DMD: variants seen among roughly 807,000 people sequenced by gnomAD.
DMD encodes mutant dystrophin.
DMD carries 63 observed loss-of-function variants against 330.1 expected under a neutral mutation model. That is an observed-to-expected ratio of 0.19 (90% CI 0.16 to 0.24). The LOEUF (loss-of-function observed/expected upper bound fraction) is 0.24. Among genes scored for constraint, DMD ranks in the 10% least tolerant of loss-of-function variants. DMD has a pLI of 1.00. For missense variants in DMD, 3,344 were observed against 2,684.1 expected, an observed-to-expected ratio of 1.25 and a Z score of -5.43; for synonymous variants, 1,223 against 959.8, an observed-to-expected ratio of 1.27 and a Z score of -5.07.
At chrX:31,835,636 G>A (rs1027776630) in intron 49 of DMD, among the ~76,000 whole-genome samples, 1 of 111,392 alleles carries the variant, frequency 9.0e-6, no homozygotes, top group African/African-American at 3.3e-5. Flanking sequence ...TTAAGCTCAG[G>A]TGCAAACTTC....
chrX:33,247,427 ACT>A (rs1279822331), intron 1 of DMD, among the ~76,000 whole-genome samples: 1 of 111,869 alleles, frequency 8.9e-6, no homozygotes. Flanking sequence ...AATATAAAAT[ACT>A]CTGTTAGTAC....
chrX:33,078,249 G>A (rs1393599743), intron 1 of DMD, among the ~76,000 whole-genome samples: 1 of 111,589 alleles, frequency 9.0e-6, no homozygotes, highest in African/African-American at 3.3e-5. Flanking sequence ...ATTCCCCAAC[G>A]GGCTTTAAAT....
chrX:31,338,427 T>C (rs980064738), intron 61 of DMD, among the ~76,000 whole-genome samples: 2 of 109,453 alleles, frequency 1.8e-5, no homozygotes, highest in African/African-American at 3.3e-5. Flanking sequence ...GATCACGCCA[T>C]TGCACTCCAG....
At chrX:31,633,195 T>C (rs1177102947) in intron 54 of DMD, among the ~76,000 whole-genome samples, 1 of 112,291 alleles carries the variant, frequency 8.9e-6, no homozygotes, top group Non-Finnish European at 1.9e-5. Flanking sequence ...TGGAAGATAA[T>C]TTTTAAAGCT....
chrX:32,416,044 C>T (rs2098164831), intron 29 of DMD, among the ~76,000 whole-genome samples: 2 of 111,754 alleles, frequency 1.8e-5, no homozygotes, highest in South Asian at 3.6e-4. Flanking sequence ...CACAATATTA[C>T]AAACACATAA....
At chrX:32,707,114 T>C (rs1351698886) in intron 7 of DMD, among the ~76,000 whole-genome samples, 4 of 110,955 alleles carry the variant, frequency 3.6e-5, no homozygotes, top group African/African-American at 1.3e-4. Context: ...AAAAAATCTA[T>C]ATTGAAAATA....
chrX:32,468,813 T>A, intron 22 of DMD, 103 bp from the exon 23 acceptor site: 1 of 657,319 alleles, frequency 1.5e-6, no homozygotes, highest in Non-Finnish European at 2.4e-6. Flanking sequence ...TTCAAACATG[T>A]AAACAAAGTA....
intron 61 of DMD, among the ~76,000 whole-genome samples, chrX:31,341,919 ACG>A (rs1491476321): frequency 9.1e-6 from 1 of 109,381 alleles, no homozygotes; most frequent in Non-Finnish European, 1.9e-5. Flanking sequence ...ACACACACAC[ACG>A]CATGTACACA....
Position 33,281,462 on chromosome X carries a change from G to T in DMD, c.7+57797C>A, listed in dbSNP as rs376633023. ...GACCTCAGGTGATCCGGTCGCCGGG[G>T]TCTCCCAAAGTGCTGGGATTACGGG... On this transcript the variant is annotated intron_variant, in intron 1 of 17. Coordinates refer to the DMD transcript ENST00000288447. Among the ~76,000 whole-genome samples the T allele has an allele frequency of 9.9e-5, 11 of 111,568 alleles. No homozygotes were observed. In the East Asian group the frequency reaches 3.1e-3, roughly 32 times the overall value.
At chrX:31,609,859 C>G (rs1446579979) in intron 55 of DMD, among the ~76,000 whole-genome samples, 2 of 111,547 alleles carry the variant, frequency 1.8e-5, no homozygotes, top group African/African-American at 6.5e-5. Context: ...TGACTTCTGT[C>G]AGACTTCTGG....
intron 63 of DMD, among the ~76,000 whole-genome samples, chrX:31,238,096 A>C (rs1569493857): frequency 1.8e-5 from 2 of 111,773 alleles, no homozygotes; most frequent in Admixed American, 9.5e-5. Context: ...TACCAATTTG[A>C]AGATTCAATC....
chrX:32,398,663 GACA>G (rs1569561067), intron 30 of DMD, among the ~76,000 whole-genome samples: 4 of 110,800 alleles, frequency 3.6e-5, no homozygotes, highest in Non-Finnish European at 7.6e-5. Flanking sequence ...TCATAATAAC[GACA>G]ACGATAATAG....
intron 43 of DMD, among the ~76,000 whole-genome samples, chrX:32,223,188 G>C (rs956490598): frequency 8.9e-6 from 1 of 111,958 alleles, no homozygotes; most frequent in Non-Finnish European, 1.9e-5. Context: ...TCTGGAGGCT[G>C]GGAAGTCCAA....
At chrX:32,664,553 G>A (rs750999430) in intron 9 of DMD, among the ~76,000 whole-genome samples, 2 of 111,656 alleles carry the variant, frequency 1.8e-5, no homozygotes, top group South Asian at 3.7e-4. Flanking sequence ...ACCTGGCATA[G>A]TTTTCTAATC....
intron 1 of DMD, among the ~76,000 whole-genome samples, chrX:33,198,807 C>T (rs1205532611): frequency 9.1e-6 from 1 of 110,317 alleles, no homozygotes; most frequent in African/African-American, 3.3e-5. Context: ...ACAGATGTTA[C>T]GTGGTAGAGG....
chrX:31,305,417 G>A (rs1569522555), intron 62 of DMD, among the ~76,000 whole-genome samples: 1 of 111,691 alleles, frequency 9.0e-6, no homozygotes, highest in Non-Finnish European at 1.9e-5. Flanking sequence ...GCTGAAAGCC[G>A]AGGAGACACC....
chrX:32,167,291 C>T (rs1446848086), intron 44 of DMD, among the ~76,000 whole-genome samples: 2 of 112,438 alleles, frequency 1.8e-5, no homozygotes, highest in Non-Finnish European at 3.8e-5. Context: ...AGTTGTATCA[C>T]ATTTAATGGT....
chrX:32,139,831 T>G (rs2096743976), intron 44 of DMD, among the ~76,000 whole-genome samples: 1 of 112,317 alleles, frequency 8.9e-6, no homozygotes, highest in Non-Finnish European at 1.9e-5. Flanking sequence ...TTATAGAAAT[T>G]TTGCCTGCCT....
Position 32,403,479 on chromosome X carries a change from T to A in DMD, c.4233+8273A>T, listed in dbSNP as rs761467192. On this transcript the variant is annotated intron_variant, in intron 30 of 78. Coordinates refer to ENST00000357033, the MANE Select transcript of DMD (RefSeq NM_004006.3). ...CAGTCTTAAAATGTACACATCAAAA[T>A]AATATGAAAGAAATCTATATCTTTA... Among the ~76,000 whole-genome samples, 581 of 111,816 alleles carry A rather than the reference T, an allele frequency of 5.2e-3. 3 individuals carry two copies. Among genetic ancestry groups the A allele is most frequent in the African/African-American group, 0.018 (562 of 30,862 alleles).
Sources: gnomAD v4.1 joint callset for allele counts (sites outside exome capture counted in the v4.1 genomes callset) on GRCh38, gnomAD v4.1.1 for gene constraint, MANE v1.5 for transcripts, NCBI Gene and HGNC (gene_info 2026-07-23, HGNC 2026-07-21) for gene names.